Variants in WWOX observed in about 807,000 individuals in gnomAD.
WWOX encodes the protein WW domain containing oxidoreductase, also known as WW domain-containing oxidoreductase.
Under a neutral mutation model 46.2 loss-of-function variants are expected in WWOX, and 69 were observed. That is an observed-to-expected ratio of 1.49 (90% CI 1.23 to 1.82). The LOEUF (loss-of-function observed/expected upper bound fraction) is 1.82. Ranked by LOEUF, WWOX falls within the 40% of genes most tolerant of loss-of-function variation. WWOX has a pLI of 0.00. For missense variants in WWOX, 919 were observed against 542.6 expected, an observed-to-expected ratio of 1.69 and a Z score of -6.89; for synonymous variants, 359 against 202.6, an observed-to-expected ratio of 1.77 and a Z score of -6.56.
chr16:78,777,900 C>T (rs954221240), intron 8 of WWOX, among the ~76,000 whole-genome samples: 8 of 151,998 alleles, frequency 5.3e-5, no homozygotes, highest in South Asian at 2.1e-4. Context: ...TAAAAATGAG[C>T]TGGGTGTGGT....
intron 8 of WWOX, among the ~76,000 whole-genome samples, chr16:78,984,634 C>G (rs143689149): frequency 0.014 from 2,086 of 152,324 alleles, 25 homozygotes; most frequent in Middle Eastern, 0.044. Context: ...ATGTTTCTGT[C>G]TCAACTGGTT....
intron 8 of WWOX, among the ~76,000 whole-genome samples, chr16:78,605,429 T>G (rs2045732440): frequency 6.6e-6 from 1 of 151,758 alleles, no homozygotes; most frequent in Non-Finnish European, 1.5e-5. Context: ...ACCTCGCTCT[T>G]CTACTCTCAG....
chr16:78,570,927 A>G (rs1282592226), intron 8 of WWOX, among the ~76,000 whole-genome samples: 1 of 152,128 alleles, frequency 6.6e-6, no homozygotes, highest in African/African-American at 2.4e-5. Context: ...GCCAGGGGAA[A>G]AGTGTTTTGG....
intron 8 of WWOX, among the ~76,000 whole-genome samples, chr16:78,988,215 G>A (rs1015793457): frequency 2.0e-5 from 3 of 151,864 alleles, no homozygotes; most frequent in African/African-American, 4.8e-5. Context: ...ATGGTGACAG[G>A]CATCTGTAAT....
At chr16:79,098,193 C>A (rs1356643027) in intron 8 of WWOX, among the ~76,000 whole-genome samples, 1 of 152,188 alleles carries the variant, frequency 6.6e-6, no homozygotes, top group Non-Finnish European at 1.5e-5. Flanking sequence ...CTGGGCCTCA[C>A]CATCCAGAGA....
At chr16:78,996,961 G>A (rs746550286) in intron 8 of WWOX, among the ~76,000 whole-genome samples, 55 of 152,344 alleles carry the variant, frequency 3.6e-4, no homozygotes, top group Non-Finnish European at 2.9e-4. Context: ...CTGGGAGGGC[G>A]AGGTGCGGAT....
At chr16:78,979,616 C>T (rs542363246) in intron 8 of WWOX, among the ~76,000 whole-genome samples, 30 of 152,162 alleles carry the variant, frequency 2.0e-4, no homozygotes, top group African/African-American at 6.3e-4. Context: ...GAGTTTCTAC[C>T]GATGCTCTTG....
At chr16:78,497,049 A>T (rs1316962894) in intron 8 of WWOX, among the ~76,000 whole-genome samples, 2 of 152,176 alleles carry the variant, frequency 1.3e-5, no homozygotes, top group African/African-American at 4.8e-5. Flanking sequence ...CTGCAGGGAG[A>T]TTTGGGGATG....
chr16:78,661,575 T>C (rs912352350), intron 8 of WWOX, among the ~76,000 whole-genome samples: 1 of 151,968 alleles, frequency 6.6e-6, no homozygotes, highest in Non-Finnish European at 1.5e-5. Flanking sequence ...TTTTTATCAT[T>C]TTCCGTAAAG....
chr16:78,884,170 G>C (rs1383282435), intron 8 of WWOX, among the ~76,000 whole-genome samples: 2 of 151,018 alleles, frequency 1.3e-5, no homozygotes, highest in Non-Finnish European at 2.9e-5. Context: ...TACTCGGGAG[G>C]CTGAAGCAGG....
intron 8 of WWOX, among the ~76,000 whole-genome samples, chr16:78,865,628 C>G (rs1024304426): frequency 6.6e-6 from 1 of 152,110 alleles, no homozygotes; most frequent in Non-Finnish European, 1.5e-5. Flanking sequence ...GCCTGTAATC[C>G]CAGCACTTTG....
chr16:78,317,265 TTCTCTC>T (rs149968704), intron 5 of WWOX, among the ~76,000 whole-genome samples: 1 of 151,358 alleles, frequency 6.6e-6, no homozygotes, highest in African/African-American at 2.4e-5. Context: ...TTGGGGTGAA[TTCTCTC>T]TCTCTCTCTG....
At chr16:79,099,107 A>G (rs2049137431) in intron 8 of WWOX, among the ~76,000 whole-genome samples, 1 of 152,174 alleles carries the variant, frequency 6.6e-6, no homozygotes, top group Non-Finnish European at 1.5e-5. Context: ...GGGAAGTGCC[A>G]GGCTCTTTTA....
chr16:78,833,189 G>C (rs571246231), intron 8 of WWOX, among the ~76,000 whole-genome samples: 2 of 152,066 alleles, frequency 1.3e-5, no homozygotes, highest in Non-Finnish European at 2.9e-5. Context: ...CTACAAGCAT[G>C]CACTCCTGTG....
intron 8 of WWOX, among the ~76,000 whole-genome samples, chr16:78,757,971 C>A (rs997328541): frequency 1.3e-5 from 2 of 152,054 alleles, no homozygotes; most frequent in Non-Finnish European, 2.9e-5. Flanking sequence ...ATTGATTCCA[C>A]AACACTGACC....
chr16:79,063,085 G>A (rs554202101), intron 8 of WWOX, among the ~76,000 whole-genome samples: 7 of 152,274 alleles, frequency 4.6e-5, no homozygotes, highest in Non-Finnish European at 8.8e-5. Flanking sequence ...AGTTGGTGCC[G>A]CGCCAAATCT....
At chr16:78,185,713 C>G (rs891330831) in intron 5 of WWOX, among the ~76,000 whole-genome samples, 1 of 152,132 alleles carries the variant, frequency 6.6e-6, no homozygotes, top group Non-Finnish European at 1.5e-5. Flanking sequence ...GTTACCCAGG[C>G]TAGAGTACAG....
intron 8 of WWOX, among the ~76,000 whole-genome samples, chr16:78,611,940 A>T (rs1325809734): frequency 6.6e-6 from 1 of 152,218 alleles, no homozygotes; most frequent in Non-Finnish European, 1.5e-5. Context: ...GAGCTATAGG[A>T]AGGGTAGCAA....
At chr16:78,356,071 T>TAAAAAAAAAAAAAAAAAAAAAAAAAAA (rs61113878) in intron 5 of WWOX, among the ~76,000 whole-genome samples, 16 of 76,138 alleles carry the variant, frequency 2.1e-4, no homozygotes, top group African/African-American at 6.9e-4. Flanking sequence ...TTTTTTTTCC[T>TAAAAAAAAAAAAAAAAAAAAAAAAAAA]AAAAAAAAAA....
Sources: allele counts gnomAD v4.1 joint callset (sites outside exome capture counted in the v4.1 genomes callset), GRCh38; gene constraint gnomAD v4.1.1; transcripts MANE v1.5; gene names NCBI Gene and HGNC (gene_info 2026-07-23, HGNC 2026-07-21).